The following FN1 variants were observed in gnomAD, a reference collection of about 807,000 sequenced individuals.
FN1 encodes fibronectin 1.
FN1 carries 106 observed loss-of-function variants against 297.3 expected under a neutral mutation model. That is an observed-to-expected ratio of 0.36 (90% CI 0.30 to 0.42). The LOEUF (loss-of-function observed/expected upper bound fraction) is 0.42, where lower values mean the gene tolerates loss of function less well. Among genes scored for constraint, FN1 ranks in the 10% least tolerant of loss-of-function variants. FN1 has a pLI of 1.00. For missense variants in FN1, 2,690 were observed against 3,124.9 expected (o/e 0.86, Z 3.32); for synonymous variants, 1,149 against 1,152.6 (o/e 1.00, Z 0.06).
At chr2:215,408,044 G>A (rs2062026071) in intron 17 of FN1, 64 bp downstream of exon 17, 2 of 1,262,784 alleles carry the variant, frequency 1.6e-6, no homozygotes, top group East Asian at 2.3e-5. Flanking sequence ...GTCAGAATCT[G>A]CGCCCTCCCT....
chr2:215,390,980 T>A (rs867449102), intron 26 of FN1, among the ~76,000 whole-genome samples: 2 of 152,366 alleles, frequency 1.3e-5, no homozygotes, highest in Middle Eastern at 3.4e-3. Flanking sequence ...TCTTGCAGCC[T>A]ACTGTTTTAT....
chr2:215,365,706 C>T (rs576585735), intron 42 of FN1, 76 bp from the exon 43 acceptor site: 10 of 1,436,740 alleles, frequency 7.0e-6, no homozygotes, highest in South Asian at 3.5e-5. Context: ...TGAACTGGGA[C>T]GTGTCACAGG....
At chr2:215,385,332 C>G (rs536723077) in intron 28 of FN1, among the ~76,000 whole-genome samples, 3 of 150,428 alleles carry the variant, frequency 2.0e-5, no homozygotes, top group African/African-American at 7.3e-5. Context: ...GAGGCCGAGG[C>G]GGGTGGATCA....
intron 15 of FN1, among the ~76,000 whole-genome samples, 169 bp from the exon 16 acceptor site, chr2:215,408,595 T>C (rs1414831357): frequency 2.0e-5 from 3 of 152,142 alleles, no homozygotes; most frequent in Admixed American, 2.0e-4. Flanking sequence ...TTACACAGAG[T>C]CTTGCTGTGT....
At chr2:215,416,565 T>A (rs1428076624) in intron 12 of FN1, among the ~76,000 whole-genome samples, 5 of 152,192 alleles carry the variant, frequency 3.3e-5, no homozygotes, top group African/African-American at 4.8e-5. Context: ...ATAATTGGCA[T>A]AGGGCTATTT....
In FN1 at chr2:215,408,941, T is replaced by A. The variant is rs1447180046; in HGVS notation, c.2300-515A>T. ...TTCTCCTTTCTCCTCCTCCTCCTTC[T>A]TCCTTTCATTTTTCCAACTTTTTTT... On this transcript the variant is annotated intron_variant, in intron 15 of 45. Transcript: ENST00000354785. Among the ~76,000 whole-genome samples the A allele has an allele frequency of 2.0e-5, 3 of 152,168 alleles. No individual in the cohort carries two copies. In the East Asian group the frequency reaches 5.8e-4, roughly 29 times the overall value.
At chr2:215,366,959 A>C (rs2054755790) in intron 42 of FN1, among the ~76,000 whole-genome samples, 1 of 152,244 alleles carries the variant, frequency 6.6e-6, no homozygotes, top group African/African-American at 2.4e-5. Flanking sequence ...GTCTATATTG[A>C]AAACACTGGC....
At chr2:215,386,055 C>T (rs1214608400) in intron 28 of FN1, among the ~76,000 whole-genome samples, 2 of 148,332 alleles carry the variant, frequency 1.3e-5, no homozygotes, top group Admixed American at 6.8e-5. Context: ...GGATTACAAG[C>T]GTGAGCCATT....
intron 28 of FN1, 92 bp downstream of exon 28, chr2:215,386,592 TTTGAG>T: frequency 1.9e-6 from 1 of 522,432 alleles, no homozygotes; most frequent in Non-Finnish European, 3.1e-6. Context: ...TTTTTTTTTT[TTTGAG>T]AGCTGATGAC....
At chr2:215,378,970 C>G (rs2057780257) in intron 34 of FN1, among the ~76,000 whole-genome samples, 160 bp downstream of exon 34, 1 of 152,102 alleles carries the variant, frequency 6.6e-6, no homozygotes, top group African/African-American at 2.4e-5. Context: ...AAACTTAGGT[C>G]AACATAAAGG....
Position 215,371,915 on chromosome 2 carries a change from G to C in FN1, c.6708C>G (p.Pro2236=). ...SCHPVGTDEE[P]LQFRVPGTST... ...GAAGAGAACAATTAATTACCTGTAA[G>C]GGTTCTTCATCAGTGCCAACAGGAT... Residue 2236 remains proline (P), a synonymous_variant, in exon 40 of 46, where the codon CCC becomes CCG. Transcript: ENST00000354785. 1 of 1,612,352 alleles carries C rather than the reference G, an allele frequency of 6.2e-7. No individual in the cohort carries two copies. Among genetic ancestry groups the C allele is most frequent in the Non-Finnish European group, 8.5e-7 (1 of 1,178,404 alleles).
chr2:215,373,334 T>G lies in FN1; in HGVS notation c.6235A>C (p.Arg2079=), dbSNP rs761041309. ...AAGATACTCTTACCTGTCTTTTTCCTTCCAATCAGGGGCTCGCTCTTCTGA... is the reference window on the plus strand; with the variant it reads ...AAGATACTCTTACCTGTCTTTTTCCGTCCAATCAGGGGCTCGCTCTTCTGA... ...NNQKSEPLIG[R]KKTDELPQLV... Residue 2079 remains arginine, a synonymous_variant, in exon 39 of 46, where the codon AGG becomes CGG. Coordinates refer to ENST00000354785, the MANE Select transcript of FN1 (RefSeq NM_212482.4). 9 of 1,613,140 alleles carry G rather than the reference T, an allele frequency of 5.6e-6. No individual in the cohort carries two copies. Among genetic ancestry groups the G allele is most frequent in the African/African-American group, 1.3e-5 (1 of 74,906 alleles).
At position 215,383,354 on chromosome 2, in the gene FN1, G is replaced by C. The variant is rs1051459569; in HGVS notation, c.5024C>G (p.Pro1675Arg). ...VTTTPKNGPGPTKTKTAGPDQ... is the reference protein window; with the variant it reads ...VTTTPKNGPGRTKTKTAGPDQ... ...TGGACCTGCAGTTTTAGTTTTTGTT[G>C]GTCCTGGTCCATTTTTGGGAGTGGT... Residue 1675 changes from proline to arginine, a missense_variant, in exon 31 of 46, where the codon CCA becomes CGA. Around this residue, in one of 3 missense-constraint regions of FN1, gnomAD observed 1,743 missense variants for 1,945.2 expected, o/e 0.90. Coordinates refer to ENST00000354785, the MANE Select transcript of FN1 (RefSeq NM_212482.4). 3 of 1,613,914 alleles carry C rather than the reference G, an allele frequency of 1.9e-6. No individual in the cohort carries two copies. The highest frequency in any genetic ancestry group is 2.5e-6 in the Non-Finnish European group (3 of 1,179,996).
Position 215,393,446 on chromosome 2 carries a change from T to TATA in FN1, c.3797-244_3797-243insTAT, listed in dbSNP as rs370714979. On this transcript the variant is annotated intron_variant, in intron 24 of 45. Transcript: ENST00000354785. ...TTAGGGAATATATATATATATATAT[T>TATA]TTTTACATTTTGAAAACATCCTTAA... 1,468 of 154,292 alleles carry TATA rather than the reference T, an allele frequency of 9.5e-3. 11 individuals carry two copies. The highest frequency in any genetic ancestry group is 0.013 in the Non-Finnish European group (936 of 74,576). 9.6% of individuals were successfully genotyped at this position (154,292 alleles called of 1,614,324 possible).
chr2:215,421,974 A>G lies in FN1; in HGVS notation c.1546+117T>C, dbSNP rs988652966. The G allele has an allele frequency of 1.8e-5, 17 of 961,776 alleles. No individual in the cohort carries two copies. The Admixed American group carries it at 2.9e-4, about 16-fold the overall frequency. The allele number at this position is 961,776 out of a possible 1,614,324, so 59.6% of individuals were successfully genotyped here. On this transcript the variant is annotated intron_variant, in intron 10 of 45. Coordinates refer to ENST00000354785, the MANE Select transcript of FN1 (RefSeq NM_212482.4). ...ACCATGCACAGTAGACTAATGAATG[A>G]CGTGGCATTCCATATTTCTTCCCCT...
rs199616195 is a variant in FN1 at position 215,414,905 on chromosome 2, A to T, written c.1873T>A (p.Ser625Thr). The T allele has an allele frequency of 6.2e-7, 1 of 1,613,934 alleles. No homozygotes were observed. The highest frequency in any genetic ancestry group is 2.2e-5 in the East Asian group (1 of 44,870). Residue 625 changes from serine (S) to threonine (T), a missense_variant, in exon 13 of 46, where the codon TCC becomes ACC. Physicochemically the swap from Ser to Thr is moderately conservative, Grantham distance 58 (BLOSUM62 1). This residue lies in a region of FN1 where 876 missense variants were observed against 1,058.1 expected (regional missense o/e 0.83). Transcript: ENST00000354785. Reference sequence around the variant, plus strand: ...GGTGCATTCCACTGGATGGGGTGGGAGTTGGGCTGACTCGGAGTCTCAGTG... The same window carrying T: ...GGTGCATTCCACTGGATGGGGTGGGTGTTGGGCTGACTCGGAGTCTCAGTG... Reference protein sequence around the residue: ...FITETPSQPNSHPIQWNAPQP... With the variant: ...FITETPSQPNTHPIQWNAPQP...
intron 2 of FN1, among the ~76,000 whole-genome samples, chr2:215,433,842 C>T (rs2066968273): frequency 6.6e-6 from 1 of 152,266 alleles, no homozygotes; most frequent in East Asian, 1.9e-4. Flanking sequence ...TGGCTCACGC[C>T]TGTAATCCCA....
rs2063182171 is a variant in FN1 at position 215,414,686 on chromosome 2, C to T, written c.1941+151G>A. On this transcript the variant is annotated intron_variant, in intron 13 of 45. Coordinates refer to ENST00000354785, the MANE Select transcript of FN1 (RefSeq NM_212482.4). ...TCAGTCTACAAGTCAATTTAATTGA[C>T]CACATATTGTTTGTTCACTAAACAA... is the stretch of plus-strand genomic sequence containing the variant. The T allele has an allele frequency of 4.9e-6, 7 of 1,418,074 alleles. No individual in the cohort carries two copies. The East Asian group carries it at 1.8e-4, about 36-fold the overall frequency. The allele number at this position is 1,418,074 out of a possible 1,614,324, so 87.8% of individuals were successfully genotyped here. A position where few individuals can be genotyped will look rare whatever the true frequency, so the allele number is the denominator to read the frequency against.
At chr2:215,376,802 T>C in intron 35 of FN1, 128 bp from the exon 36 acceptor site, 2 of 763,018 alleles carry the variant, frequency 2.6e-6, no homozygotes, top group South Asian at 3.2e-5. Flanking sequence ...TAGTAATGTG[T>C]AGATTATCTC....
Sources: allele counts gnomAD v4.1 joint callset (sites outside exome capture counted in the v4.1 genomes callset), GRCh38; gene constraint gnomAD v4.1.1; regional missense constraint gnomAD v4.1.1; transcripts MANE v1.5; gene names NCBI Gene and HGNC (gene_info 2026-07-23, HGNC 2026-07-21).